ZFP2: variants seen among roughly 807,000 people sequenced by gnomAD.
ZFP2 encodes the protein ZFP2 zinc finger protein, also known as zinc finger protein ZFP2.
In ZFP2, 33 loss-of-function variants were observed where a neutral mutation model predicts 36.1. The observed-to-expected ratio is 0.92, with a 90% CI of 0.69 to 1.22. The LOEUF is 1.22. Ranked by LOEUF, ZFP2 falls within the 50% of genes most tolerant of loss-of-function variation. The pLI, the probability that ZFP2 is intolerant of heterozygous loss-of-function variation, is 0.00. For missense variants in ZFP2, 522 were observed against 551.4 expected, an observed-to-expected ratio of 0.95 and a Z score of 0.53; for synonymous variants, 170 against 178.0, an observed-to-expected ratio of 0.96 and a Z score of 0.36.
chr5:178,920,983 T>C (rs1431481300), intron 4 of ZFP2, among the ~76,000 whole-genome samples: 1 of 152,244 alleles, frequency 6.6e-6, no homozygotes, highest in African/African-American at 2.4e-5. Context: ...TAGCAGGCAG[T>C]CAACCTGGTT....
chr5:178,930,323 T>TCC (rs1758801480), intron 4 of ZFP2, among the ~76,000 whole-genome samples: 1 of 120,632 alleles, frequency 8.3e-6, no homozygotes, highest in South Asian at 3.1e-4. Flanking sequence ...CCTTTTTTTT[T>TCC]TTTTTTTTTT....
At position 178,932,621 on chromosome 5, in the gene ZFP2, A is replaced by C. The variant is rs1364435376; in HGVS notation, c.1308A>C (p.Lys436Asn). The change falls in exon 5 of 5, where the codon AAA becomes AAC. Residue 436 changes from lysine (K) to asparagine (N), a missense_variant. Coordinates refer to ENST00000361362, the MANE Select transcript of ZFP2 (RefSeq NM_030613.4). ...TVHQRTHTGEKPYQCNECGKA... is the reference protein window; with the variant it reads ...TVHQRTHTGENPYQCNECGKA... ...ATCAGAGAACTCATACAGGAGAGAAACCCTATCAGTGTAATGAATGCGGAA... is the reference window on the plus strand; with the variant it reads ...ATCAGAGAACTCATACAGGAGAGAACCCCTATCAGTGTAATGAATGCGGAA... 6.2e-7 allele frequency: 1 copy of C among 1,614,078 alleles called. No individual in the cohort carries two copies. The highest frequency in any genetic ancestry group is 1.7e-5 in the Admixed American group (1 of 60,004).
rs1388346869 is a variant in ZFP2, at chr5:178,922,030, G to T, written c.-78+5320G>T. On this transcript the variant is annotated intron_variant, in intron 4 of 4. Transcript: ENST00000361362. ...AAAACATTTAAAGCTCCTTCCGCAG[G>T]CAGGAGAGTCAGCTAGCCACCCAAG... The T allele has an allele frequency of 7.0e-6, 5 of 711,826 alleles. 1 individual carries two copies. The highest frequency in any genetic ancestry group is 1.3e-5 in the Non-Finnish European group (5 of 387,572). 44.1% of individuals were successfully genotyped at this position (711,826 alleles called of 1,614,324 possible).
In ZFP2 at chr5:178,912,669, C is replaced by T. The variant is rs1561680829; in HGVS notation, c.-364C>T. ...CAAGCAGATTCTGCTCAGAGGATGA[C>T]CGTGTATGGGGAGGTGATGCTGGAG... On this transcript the variant is annotated 5_prime_UTR_variant, in exon 2 of 5. Coordinates refer to ENST00000361362, the MANE Select transcript of ZFP2 (RefSeq NM_030613.4). The T allele has an allele frequency of 1.9e-6, 2 of 1,062,482 alleles. No homozygotes were observed. The highest frequency in any genetic ancestry group is 2.3e-6 in the Non-Finnish European group (2 of 863,158). The allele number at this position is 1,062,482 out of a possible 1,614,324, so 65.8% of individuals were successfully genotyped here.
intron 1 of ZFP2, among the ~76,000 whole-genome samples, chr5:178,903,023 G>A (rs1303578057): frequency 1.3e-5 from 2 of 152,144 alleles, no homozygotes; most frequent in African/African-American, 4.8e-5. Context: ...CTGATGACAG[G>A]CATTTTGTCA....
chr5:178,921,286 G>A (rs1758557160), intron 4 of ZFP2, among the ~76,000 whole-genome samples: 1 of 152,188 alleles, frequency 6.6e-6, no homozygotes, highest in South Asian at 2.1e-4. Flanking sequence ...CAGCTTCCCT[G>A]TGGCTGTCCT....
At chr5:178,900,379 G>A (rs1455085257) in intron 1 of ZFP2, among the ~76,000 whole-genome samples, 4 of 93,700 alleles carry the variant, frequency 4.3e-5, no homozygotes, top group African/African-American at 4.5e-5. Flanking sequence ...TCTACTCCAC[G>A]TCCCCCACCC....
Position 178,932,151 on chromosome 5 carries a change from A to C in ZFP2, c.838A>C (p.Ser280Arg), listed in dbSNP as rs1160696772. The change falls in exon 5 of 5, where the codon AGT becomes CGT. Residue 280 changes from serine to arginine, a missense_variant. Transcript: ENST00000361362. Reference protein sequence around the residue: ...YECSQCGKAFSKSSTLTLHQR... With the variant: ...YECSQCGKAFRKSSTLTLHQR... ...GTGTAGTCAATGTGGAAAAGCCTTT[A>C]GTAAGAGCTCAACTCTTACCCTACA... 6.2e-7 allele frequency: 1 copy of C among 1,613,366 alleles called. No individual in the cohort carries two copies. Among genetic ancestry groups the C allele is most frequent in the South Asian group, 1.1e-5 (1 of 90,976 alleles).
Position 178,913,786 on chromosome 5 carries a change from A to C in ZFP2, c.-224+715A>C, listed in dbSNP as rs1314996731. ...GTGTTATTACTGACTTTTCTCTGCAAAAAAAAAAAATGCATTTTACATCTT... is the reference window on the plus strand; with the variant it reads ...GTGTTATTACTGACTTTTCTCTGCACAAAAAAAAAATGCATTTTACATCTT... On this transcript the variant is annotated intron_variant, in intron 3 of 4. Coordinates refer to ENST00000361362, the MANE Select transcript of ZFP2 (RefSeq NM_030613.4). 4.1e-4 allele frequency: 25 copies of C among 60,464 alleles called. No homozygotes were observed. The East Asian group carries it at 0.018, about 44-fold the overall frequency. The allele number at this position is 60,464 out of a possible 1,614,324, so 3.7% of individuals were successfully genotyped here.
At chr5:178,922,284 C>T (rs1758574100) in intron 4 of ZFP2, 23 of 971,732 alleles carry the variant, frequency 2.4e-5, no homozygotes, top group Non-Finnish European at 3.0e-5. Flanking sequence ...AGTTCATTAT[C>T]ATACAAGGTA....
intron 3 of ZFP2, 127 bp downstream of exon 3, chr5:178,913,198 A>C: frequency 3.0e-6 from 1 of 331,016 alleles, no homozygotes; most frequent in Non-Finnish European, 4.3e-6. Context: ...CCTCCGCATT[A>C]CTGATGGGCC....
chr5:178,897,066 C>T (rs1195785553), intron 1 of ZFP2, among the ~76,000 whole-genome samples: 2 of 148,182 alleles, frequency 1.3e-5, no homozygotes, highest in Admixed American at 6.8e-5. Context: ...GTATTATAAA[C>T]AGTATAGGCC....
chr5:178,897,239 C>T (rs1034684653), intron 1 of ZFP2, among the ~76,000 whole-genome samples: 1 of 152,154 alleles, frequency 6.6e-6, no homozygotes, highest in South Asian at 2.1e-4. Context: ...GCCAGATTTA[C>T]CCACACCAAC....
At chr5:178,903,785 C>G (rs6899251) in intron 1 of ZFP2, among the ~76,000 whole-genome samples, 73,527 of 151,912 alleles carry the variant, frequency 0.48, 18,036 homozygotes, top group Middle Eastern at 0.54. Context: ...CTGGCCAATA[C>G]GGTGAAACTC....
At chr5:178,908,446 CAA>C (rs775156998) in intron 1 of ZFP2, among the ~76,000 whole-genome samples, 2 of 136,088 alleles carry the variant, frequency 1.5e-5, no homozygotes. Context: ...GACTCCATCT[CAA>C]AAAAAAAAAA....
At chr5:178,919,979 A>T (rs1348711244) in intron 4 of ZFP2, among the ~76,000 whole-genome samples, 1 of 150,224 alleles carries the variant, frequency 6.7e-6, no homozygotes, top group Non-Finnish European at 1.5e-5. Flanking sequence ...AAAAAAAAAA[A>T]ATTTGATTAT....
Position 178,912,583 on chromosome 5 carries a change from G to C in ZFP2, c.-449-1G>C. ...ATAATCCCTTATTGAGGAATTTTTAGTTTCAGGAGTCAGTGACCTTCAAGG... is the reference window on the plus strand; with the variant it reads ...ATAATCCCTTATTGAGGAATTTTTACTTTCAGGAGTCAGTGACCTTCAAGG... On this transcript the variant is annotated splice_acceptor_variant, in intron 1 of 4. Transcript: ENST00000361362. LOFTEE classifies it low-confidence loss of function (5UTR_SPLICE). 2 of 958,752 alleles carry C rather than the reference G, an allele frequency of 2.1e-6. No homozygotes were observed. Among genetic ancestry groups the C allele is most frequent in the Non-Finnish European group, 2.5e-6 (2 of 796,710 alleles). 59.4% of individuals were successfully genotyped at this position (958,752 alleles called of 1,614,324 possible). A position where few individuals can be genotyped will look rare whatever the true frequency, so the allele number is the denominator to read the frequency against.
Position 178,923,013 on chromosome 5 carries a change from CTCAGAATTTACAAAT to C in ZFP2, c.-78+6307_-78+6321del, listed in dbSNP as rs1405726364. The stretch of plus-strand genomic sequence containing the variant: ...TCCATTGTGATTTCCTCTTTGACCT[CTCAGAATTTACAAAT>C]TCACTGCTTAATTTTCAAACATGAG... On this transcript the variant is annotated intron_variant, in intron 4 of 4. Coordinates refer to ENST00000361362, the MANE Select transcript of ZFP2 (RefSeq NM_030613.4). Among the ~76,000 whole-genome samples the C allele has an allele frequency of 1.3e-5, 2 of 149,562 alleles. 1 individual carries two copies. The highest frequency in any genetic ancestry group is 3.0e-5 in the Non-Finnish European group (2 of 66,606).
intron 4 of ZFP2, 61 bp downstream of exon 4, chr5:178,916,771 T>C (rs527558467): frequency 3.1e-6 from 3 of 973,228 alleles, no homozygotes; most frequent in Non-Finnish European, 3.7e-6. Context: ...AAATAACATG[T>C]CAGAATCTGA....
Sources: allele counts gnomAD v4.1 joint callset (sites outside exome capture counted in the v4.1 genomes callset), GRCh38; gene constraint gnomAD v4.1.1; transcripts MANE v1.5; gene names NCBI Gene and HGNC (gene_info 2026-07-23, HGNC 2026-07-21).